The following RNF17 variants were observed in gnomAD, a reference collection of about 807,000 sequenced individuals.
The protein encoded by RNF17 is ring finger protein 17, also known as spermatogenesis associated 23.
In RNF17, 31 loss-of-function variants were observed where a neutral mutation model predicts 200.5. The observed-to-expected ratio is 0.15, with a 90% CI of 0.12 to 0.21. The LOEUF is 0.21. Among genes scored for constraint, RNF17 ranks in the 10% least tolerant of loss-of-function variants. The probability of loss-of-function intolerance (pLI) is 1.00; values close to 1 mark genes in which losing one functional copy is unlikely to be tolerated. For synonymous variants in RNF17, 606 were observed against 637.8 expected (o/e 0.95, Z 0.75); for missense variants, 1,628 against 1,905.1 (o/e 0.85, Z 2.71).
At chr13:24,843,141 A>C (rs1890839432) in intron 19 of RNF17, among the ~76,000 whole-genome samples, 1 of 152,180 alleles carries the variant, frequency 6.6e-6, no homozygotes, top group Non-Finnish European at 1.5e-5. Flanking sequence ...GCTCACTCCC[A>C]TGCTGGAGGA....
chr13:24,789,092 C>G (rs547280335), intron 7 of RNF17, among the ~76,000 whole-genome samples: 2 of 152,250 alleles, frequency 1.3e-5, no homozygotes, highest in South Asian at 4.1e-4. Flanking sequence ...GATAGCAGCA[C>G]AGTTGCAAAA....
At chr13:24,752,658 G>A in the RNF17 span, among the ~76,000 whole-genome samples, 15 of 152,324 alleles carry the variant, frequency 9.8e-5, no homozygotes, top group African/African-American at 2.9e-4. Context: ...CCGAGGCTGC[G>A]GCTGCCTCAT....
At chr13:24,777,037 T>C (rs1015158758) in intron 3 of RNF17, among the ~76,000 whole-genome samples, 2 of 152,220 alleles carry the variant, frequency 1.3e-5, no homozygotes, top group Non-Finnish European at 2.9e-5. Context: ...AAATTAAATT[T>C]ATGTCAATTA....
At chr13:24,799,372 G>A (rs760345531) in intron 11 of RNF17, 23 bp from the exon 12 acceptor site, 11 of 1,564,738 alleles carry the variant, frequency 7.0e-6, no homozygotes, top group East Asian at 2.2e-5. Flanking sequence ...TGTTTATAAC[G>A]ATTTGTTTCC....
At chr13:24,884,311 C>G, downstream of RNF17, 1 of 1,614,104 alleles carries the variant, frequency 6.2e-7, no homozygotes, top group South Asian at 1.1e-5. Flanking sequence ...GAGAACACCT[C>G]TGGAAACATA....
At chr13:24,823,130 A>G (rs1023785219) in intron 15 of RNF17, among the ~76,000 whole-genome samples, 12 of 151,798 alleles carry the variant, frequency 7.9e-5, no homozygotes, top group African/African-American at 2.2e-4. Flanking sequence ...CTGGAGTGCA[A>G]TGGCATGATG....
At chr13:24,768,467 AT>A (rs1203782962) in intron 2 of RNF17, among the ~76,000 whole-genome samples, 4 of 151,720 alleles carry the variant, frequency 2.6e-5, no homozygotes, top group African/African-American at 9.7e-5. Flanking sequence ...TGTATTTTTA[AT>A]AGAGAGGGGG....
chr13:24,765,572 C>T (rs1421536208), intron 1 of RNF17, among the ~76,000 whole-genome samples: 1 of 152,162 alleles, frequency 6.6e-6, no homozygotes, highest in African/African-American at 2.4e-5. Context: ...GTTTAGATCA[C>T]TGCTACCGTT....
intron 34 of RNF17, among the ~76,000 whole-genome samples, 173 bp from the exon 35 acceptor site, chr13:24,879,014 A>G (rs1895154109): frequency 6.6e-6 from 1 of 152,202 alleles, no homozygotes; most frequent in Non-Finnish European, 1.5e-5. Context: ...GAAGAATGGA[A>G]AGAATGGGAT....
chr13:24,789,883 G>T, intron 9 of RNF17, 111 bp downstream of exon 9: 1 of 693,088 alleles, frequency 1.4e-6, no homozygotes, highest in Non-Finnish European at 2.5e-6. Flanking sequence ...AAAATAAAGG[G>T]CAAAATAGTT....
At chr13:24,764,450 A>C (rs1218134464) in intron 1 of RNF17, 117 bp downstream of exon 1, 1 of 1,356,168 alleles carries the variant, frequency 7.4e-7, no homozygotes. Context: ...GTGTCACCAG[A>C]AACTGCGTCA....
intron 15 of RNF17, among the ~76,000 whole-genome samples, chr13:24,805,486 A>C (rs12857321): frequency 0.094 from 14,352 of 152,166 alleles, 985 homozygotes; most frequent in Non-Finnish European, 0.14. Context: ...TTTCACTTCA[A>C]CTTAATGTTT....
rs140052279 is a variant in RNF17 at position 24,848,220 on chromosome 13, A to G, written c.3102-2121A>G. On this transcript the variant is annotated intron_variant, in intron 22 of 35. Coordinates refer to ENST00000255324, the MANE Select transcript of RNF17 (RefSeq NM_031277.3). ...ACTGTTGAGTTAGGATTATAAACAC[A>G]GTCTGAACCCAGAACCGGGACTCTA... is the stretch of plus-strand genomic sequence containing the variant. 3.6e-3 allele frequency among the ~76,000 whole-genome samples: 545 copies of G among 152,322 alleles called. 1 individual carries two copies. The highest frequency in any genetic ancestry group is 5.8e-3 in the Non-Finnish European group (394 of 68,028).
rs963216379 is a variant in RNF17, at chr13:24,820,134, T to C, written c.2092-5485T>C. Among the ~76,000 whole-genome samples the C allele has an allele frequency of 3.5e-5, 5 of 144,040 alleles. No individual in the cohort carries two copies. In the Admixed American group the frequency reaches 3.5e-4, roughly 10 times the overall value. The allele number at this position is 144,040 out of a possible 152,430, so 94.5% of individuals were successfully genotyped here. On this transcript the variant is annotated intron_variant, in intron 15 of 35. Transcript: ENST00000255324. ...TTTTTCTTTTTTCTTTTTTTTTTTT[T>C]TTTTTGAGACAAGAGTCTTGCTCTC...
At chr13:24,786,582 A>G (rs2137600648) in intron 6 of RNF17, among the ~76,000 whole-genome samples, 1 of 152,290 alleles carries the variant, frequency 6.6e-6, no homozygotes, top group South Asian at 2.1e-4. Flanking sequence ...TTATAGGGAA[A>G]GTCTACTGGT....
intron 6 of RNF17, among the ~76,000 whole-genome samples, chr13:24,786,940 T>A (rs1476929124): frequency 6.6e-6 from 1 of 152,174 alleles, no homozygotes; most frequent in Non-Finnish European, 1.5e-5. Context: ...GTGATTCCTA[T>A]AATGCATACA....
At chr13:24,829,080 G>T (rs1388044876) in intron 16 of RNF17, among the ~76,000 whole-genome samples, 1 of 152,058 alleles carries the variant, frequency 6.6e-6, no homozygotes, top group Non-Finnish European at 1.5e-5. Flanking sequence ...GCCATCACAT[G>T]TGGCCAAAAA....
chr13:24,884,379 T>A (rs1182352523), downstream of RNF17: 2 of 1,614,162 alleles, frequency 1.2e-6, no homozygotes, highest in Non-Finnish European at 8.5e-7. Context: ...GTGACAGTGA[T>A]GGTCTTCCCA....
intron 13 of RNF17, 60 bp downstream of exon 13, chr13:24,800,594 G>T: frequency 1.4e-6 from 2 of 1,443,944 alleles, no homozygotes; most frequent in African/African-American, 1.4e-5. Context: ...GCTATGTATT[G>T]CCAGTTAGAT....
Sources: gnomAD v4.1 joint callset for allele counts (sites outside exome capture counted in the v4.1 genomes callset) on GRCh38, gnomAD v4.1.1 for gene constraint, MANE v1.5 for transcripts, NCBI Gene and HGNC (gene_info 2026-07-23, HGNC 2026-07-21) for gene names.